EXPH5: variants seen among roughly 807,000 people sequenced by gnomAD.
EXPH5 encodes exophilin 5.
A neutral mutation model predicts 41.1 loss-of-function variants in EXPH5; 42 were observed. That is an observed-to-expected ratio of 1.02 (90% CI 0.80 to 1.32). The LOEUF is 1.32. EXPH5 is among the 40% of genes most tolerant of loss of function. EXPH5 has a pLI of 0.00. For missense variants in EXPH5, 2,298 were observed against 2,314.5 expected (o/e 0.99, Z 0.15); for synonymous variants, 798 against 833.5 (o/e 0.96, Z 0.73).
chr11:108,591,365 T>G (rs972307635), intron 1 of EXPH5, among the ~76,000 whole-genome samples: 1 of 152,164 alleles, frequency 6.6e-6, no homozygotes, highest in Non-Finnish European at 1.5e-5. Flanking sequence ...AATTAATACA[T>G]GTGAGCCTGA....
chr11:108,553,552 T>C (rs1296673730), intron 1 of EXPH5, among the ~76,000 whole-genome samples: 5 of 152,342 alleles, frequency 3.3e-5, no homozygotes, highest in African/African-American at 1.2e-4. Context: ...AATCACCCAC[T>C]GTAACTTCTG....
intron 1 of EXPH5, among the ~76,000 whole-genome samples, chr11:108,577,684 A>G (rs1455890109): frequency 6.6e-6 from 1 of 152,130 alleles, no homozygotes; most frequent in African/African-American, 2.4e-5. Context: ...CGGCCTCCCA[A>G]AGTGCTGGGA....
At chr11:108,558,794 C>T (rs1024387966) in intron 1 of EXPH5, among the ~76,000 whole-genome samples, 7 of 152,106 alleles carry the variant, frequency 4.6e-5, no homozygotes, top group Non-Finnish European at 7.4e-5. Flanking sequence ...TTTCTGGAGG[C>T]GGAAAGTTTA....
chr11:108,564,743 C>T (rs952214018), intron 1 of EXPH5, among the ~76,000 whole-genome samples: 5 of 152,056 alleles, frequency 3.3e-5, no homozygotes, highest in African/African-American at 1.2e-4. Flanking sequence ...CCTTGTATGA[C>T]GGTCCATTTC....
rs771401232 is a variant in EXPH5, at chr11:108,511,530, G to C, written c.3977C>G (p.Thr1326Ser). The change falls in exon 6 of 6, where the codon ACT becomes AGT. Residue 1326 changes from threonine to serine, a missense_variant. By Grantham distance (58) the Thr-to-Ser change is moderately conservative (BLOSUM62 1). Transcript: ENST00000265843. ...MSVNSDQTLT[T>S]ENMTAFRLSN... ...TAATCGGAAGGCAGTCATATTTTCA[G>C]TGGTGAGCGTCTGATCAGAGTTGAC... The C allele has an allele frequency of 6.2e-7, 1 of 1,606,556 alleles. No homozygotes were observed. Among genetic ancestry groups the C allele is most frequent in the Non-Finnish European group, 8.5e-7 (1 of 1,177,900 alleles).
chr11:108,513,899 A>G lies in EXPH5; in HGVS notation c.1608T>C (p.Gly536=), dbSNP rs1291751798. 5.0e-6 allele frequency: 8 copies of G among 1,611,212 alleles called. No individual in the cohort carries two copies. The South Asian group carries it at 8.9e-5, about 18-fold the overall frequency. ...SSEHWESFSS[G]YGTDVSRGQE... ...GGCCTCTGGAAACATCTGTTCCATA[A>G]CCAGAAGAAAATGATTCCCAGTGTT... The change falls in exon 6 of 6, where the codon GGT becomes GGC. Residue 536 remains glycine (G), a synonymous_variant. Transcript: ENST00000265843.
intron 5 of EXPH5, among the ~76,000 whole-genome samples, chr11:108,517,855 T>C (rs988635441): frequency 3.3e-5 from 5 of 151,958 alleles, no homozygotes; most frequent in African/African-American, 1.2e-4. Flanking sequence ...GCCTCCCAGG[T>C]TCAAGCACTT....
the EXPH5 span, among the ~76,000 whole-genome samples, chr11:108,604,231 A>AAG: frequency 7.4e-6 from 1 of 135,774 alleles, no homozygotes; most frequent in South Asian, 2.2e-4. Flanking sequence ...TCTCTACAAA[A>AAG]AAAAAAAAAA....
rs1427973861 is a variant in EXPH5 at position 108,510,594 on chromosome 11, T to A, written c.4913A>T (p.Glu1638Val). Residue 1638 changes from glutamate to valine, a missense_variant, in exon 6 of 6, where the codon GAG becomes GTG. Transcript: ENST00000265843. ...GFDHLSLGTV[E>V]CNPLFPEPTP... ...AGGCTCAGGGAACAGTGGGTTGCAC[T>A]CCACTGTGCCAAGAGATAAATGGTC... 6.2e-7 allele frequency: 1 copy of A among 1,613,918 alleles called. No individual in the cohort carries two copies. Among genetic ancestry groups the A allele is most frequent in the African/African-American group, 1.3e-5 (1 of 74,906 alleles).
intron 1 of EXPH5, among the ~76,000 whole-genome samples, chr11:108,549,111 TACAGGGAAATTACTAATAC>T (rs2093952157): frequency 1.3e-5 from 2 of 152,346 alleles, no homozygotes; most frequent in African/African-American, 4.8e-5. Context: ...ATGACATACA[TACAGGGAAATTACTAATAC>T]ACAGCTTGCT....
rs953094713 is a variant in EXPH5, at chr11:108,512,241, G to A, written c.3266C>T (p.Ala1089Val). The A allele has an allele frequency of 6.2e-7, 1 of 1,610,078 alleles. No individual in the cohort carries two copies. Among genetic ancestry groups the A allele is most frequent in the Non-Finnish European group, 8.5e-7 (1 of 1,178,808 alleles). Residue 1089 changes from alanine (A) to valine (V), a missense_variant, in exon 6 of 6, where the codon GCC becomes GTC. Physicochemically the swap from Ala to Val is moderately conservative, Grantham distance 64. Transcript: ENST00000265843. ...CTCTGTGGCTTCAGGTGCTTCCAGG[G>A]CTGAGTCTGAAAGGACTTTGGAACA... ...NECSKVLSDS[A>V]LEAPEATERM... is the part of the protein sequence containing the mutation.
chr11:108,527,275 A>T (rs750499764), intron 4 of EXPH5, among the ~76,000 whole-genome samples: 1 of 152,124 alleles, frequency 6.6e-6, no homozygotes, highest in Non-Finnish European at 1.5e-5. Context: ...AGCCAAGATC[A>T]TACCACTGTA....
At chr11:108,541,413 C>A (rs1484815532) in intron 2 of EXPH5, among the ~76,000 whole-genome samples, 2 of 151,764 alleles carry the variant, frequency 1.3e-5, no homozygotes, top group African/African-American at 4.8e-5. Context: ...ACCCACTATG[C>A]TATCTTGCCT....
At chr11:108,565,549 T>G (rs1054843176) in intron 1 of EXPH5, among the ~76,000 whole-genome samples, 1 of 152,180 alleles carries the variant, frequency 6.6e-6, no homozygotes, top group African/African-American at 2.4e-5. Flanking sequence ...GACATTAGTG[T>G]CATAGACACT....
chr11:108,544,008 T>C (rs530136018), intron 1 of EXPH5, among the ~76,000 whole-genome samples: 1 of 152,286 alleles, frequency 6.6e-6, no homozygotes, highest in South Asian at 2.1e-4. Context: ...CTCCACTTCC[T>C]TGGAGCCCTC....
chr11:108,593,483 G>T lies in EXPH5; in HGVS notation c.54C>A (p.Ala18=). ...TTTCCAGCACCTGAAGGATCTTCCT[G>T]GCCTCTTCGTCATTTAAGAAACTGA... ...FDFSFLNDEE[A]RKILQVLERN... The change falls in exon 1 of 6, where the codon GCC becomes GCA. Residue 18 remains alanine (A), a synonymous_variant. Transcript: ENST00000265843. 6.2e-7 allele frequency: 1 copy of T among 1,614,044 alleles called. No homozygotes were observed. Among genetic ancestry groups the T allele is most frequent in the South Asian group, 1.1e-5 (1 of 91,058 alleles).
upstream of EXPH5, among the ~76,000 whole-genome samples, chr11:108,597,711 C>T (rs2094140694): frequency 6.6e-6 from 1 of 151,984 alleles, no homozygotes; most frequent in Non-Finnish European, 1.5e-5. Flanking sequence ...TAACATTGTT[C>T]TGGTAGTTCT....
chr11:108,538,103 G>T (rs1424212954), intron 3 of EXPH5: 2 of 985,410 alleles, frequency 2.0e-6, no homozygotes, highest in Non-Finnish European at 2.4e-6. Flanking sequence ...TCACCCAAGA[G>T]GGGAGGACAG....
chr11:108,516,879 C>G (rs2093730188), intron 5 of EXPH5, among the ~76,000 whole-genome samples: 1 of 152,088 alleles, frequency 6.6e-6, no homozygotes, highest in Admixed American at 6.5e-5. Context: ...TCAAGCAATG[C>G]TGAAGTATAA....
Sources: allele counts gnomAD v4.1 joint callset (sites outside exome capture counted in the v4.1 genomes callset), GRCh38; gene constraint gnomAD v4.1.1; transcripts MANE v1.5; gene names NCBI Gene and HGNC (gene_info 2026-07-23, HGNC 2026-07-21).